The following LHFPL6 variants were observed in gnomAD, a reference collection of about 807,000 sequenced individuals.
LHFPL6 encodes the protein LHFPL tetraspan subfamily member 6 protein.
A neutral mutation model predicts 20.6 loss-of-function variants in LHFPL6; 9 were observed. That is an observed-to-expected ratio of 0.44 (90% confidence interval 0.26 to 0.76). The LOEUF (loss-of-function observed/expected upper bound fraction) is 0.76, where lower values mean the gene tolerates loss of function less well. Ranked by LOEUF, LHFPL6 falls within the 30% of genes least tolerant of loss-of-function variation. The pLI is 0.20. For synonymous variants in LHFPL6, 105 were observed against 98.7 expected (o/e 1.06, Z -0.38); for missense variants, 218 against 253.5 (o/e 0.86, Z 0.95).
chr13:39,551,200 G>A (rs541264004), intron 2 of LHFPL6, among the ~76,000 whole-genome samples: 1 of 152,132 alleles, frequency 6.6e-6, no homozygotes, highest in Non-Finnish European at 1.5e-5. Context: ...TGCCTATTCA[G>A]CTCATGGCTC....
rs1471995881 is a variant in LHFPL6, at chr13:39,600,923, CAGG to C, written c.291_293del (p.Leu98del). The C allele has an allele frequency of 6.3e-6, 10 of 1,596,934 alleles. No individual in the cohort carries two copies. Among genetic ancestry groups the C allele is most frequent in the Non-Finnish European group, 7.7e-6 (9 of 1,169,414 alleles). ...AACCCATGAGGGCAGTGAGCGCCAC[CAGG>C]AGGAGGAGGCCACAACCCAGGCCGG... On this transcript the variant is annotated inframe_deletion, in exon 2 of 4. Transcript: ENST00000379589.
intron 2 of LHFPL6, among the ~76,000 whole-genome samples, chr13:39,576,213 G>C (rs138195280): frequency 6.6e-6 from 1 of 152,252 alleles, no homozygotes; most frequent in East Asian, 1.9e-4. Context: ...AGTTCATACA[G>C]ACTAGGTTTG....
intron 2 of LHFPL6, among the ~76,000 whole-genome samples, chr13:39,443,604 A>T (rs1169601469): frequency 1.3e-5 from 2 of 152,010 alleles, no homozygotes; most frequent in Non-Finnish European, 2.9e-5. Flanking sequence ...GGAGAACCTA[A>T]ATCTTCCTAC....
chr13:39,520,908 A>G (rs1200907039), intron 2 of LHFPL6, among the ~76,000 whole-genome samples: 4 of 152,134 alleles, frequency 2.6e-5, no homozygotes, highest in African/African-American at 7.2e-5. Context: ...AGGTGATTTC[A>G]TTGTGCAACC....
In LHFPL6 at chr13:39,373,547, G is replaced by A. The variant is rs865934115; in HGVS notation, c.484+4881C>T. The stretch of plus-strand genomic sequence containing the variant: ...AAGAAAATTGTAGTATTTATACAGC[G>A]TACTAGGGTAATTGGATGGGGCTGC... On this transcript the variant is annotated intron_variant, in intron 3 of 3. Coordinates refer to ENST00000379589, the MANE Select transcript of LHFPL6 (RefSeq NM_005780.3). 7.9e-5 allele frequency among the ~76,000 whole-genome samples: 12 copies of A among 152,298 alleles called. No homozygotes were observed. The South Asian group carries it at 8.3e-4, about 11-fold the overall frequency.
intron 2 of LHFPL6, among the ~76,000 whole-genome samples, chr13:39,414,829 T>G (rs369095895): frequency 8.3e-4 from 126 of 152,210 alleles, no homozygotes; most frequent in African/African-American, 2.8e-3. Context: ...CCCCTAAGAG[T>G]ATTATACAGG....
intron 2 of LHFPL6, among the ~76,000 whole-genome samples, chr13:39,526,580 T>C (rs1341266282): frequency 6.6e-6 from 1 of 152,240 alleles, no homozygotes; most frequent in Non-Finnish European, 1.5e-5. Context: ...GGTCTAGTGC[T>C]CTGATGTGTT....
intron 2 of LHFPL6, among the ~76,000 whole-genome samples, chr13:39,379,925 C>T (rs1870393437): frequency 6.6e-6 from 1 of 152,206 alleles, no homozygotes; most frequent in African/African-American, 2.4e-5. Context: ...CTCAGGATGT[C>T]CTACATGCAA....
At chr13:39,370,820 A>T (rs989489686) in intron 3 of LHFPL6, among the ~76,000 whole-genome samples, 7 of 152,264 alleles carry the variant, frequency 4.6e-5, no homozygotes, top group Admixed American at 2.0e-4. Context: ...AATGTCACAG[A>T]GACCAATAGC....
intron 2 of LHFPL6, among the ~76,000 whole-genome samples, chr13:39,470,754 A>G (rs1436748254): frequency 6.6e-6 from 1 of 152,228 alleles, no homozygotes; most frequent in African/African-American, 2.4e-5. Flanking sequence ...TAACTTTTAA[A>G]AGAATTTGAG....
At chr13:39,592,963 G>A (rs907720086) in intron 2 of LHFPL6, among the ~76,000 whole-genome samples, 7 of 152,118 alleles carry the variant, frequency 4.6e-5, no homozygotes, top group African/African-American at 1.7e-4. Context: ...GGTATTGATG[G>A]ACGTATCTCA....
intron 3 of LHFPL6, among the ~76,000 whole-genome samples, chr13:39,361,605 C>T (rs1280566941): frequency 1.3e-5 from 2 of 152,150 alleles, no homozygotes; most frequent in Non-Finnish European, 2.9e-5. Context: ...CGTGAGCCAC[C>T]GTGCCTGGCC....
intron 2 of LHFPL6, among the ~76,000 whole-genome samples, chr13:39,402,159 T>C (rs1001342744): frequency 2.6e-5 from 4 of 152,224 alleles, no homozygotes; most frequent in Admixed American, 6.5e-5. Context: ...ATATTTTTGA[T>C]ATACTTATTT....
At chr13:39,562,417 C>CATATACATATATACACATATACAT (rs1871525394) in intron 2 of LHFPL6, among the ~76,000 whole-genome samples, 2 of 57,900 alleles carry the variant, frequency 3.5e-5, no homozygotes, top group Non-Finnish European at 7.8e-5. Context: ...CACATATACA[C>CATATACATATATACACATATACAT]ATATACATAT....
At chr13:39,358,075 G>A (rs989986235) in intron 3 of LHFPL6, among the ~76,000 whole-genome samples, 1 of 151,976 alleles carries the variant, frequency 6.6e-6, no homozygotes, top group Non-Finnish European at 1.5e-5. Flanking sequence ...CCAAAAAAGA[G>A]CCCGAATAAC....
At chr13:39,592,538 G>C (rs886350515) in intron 2 of LHFPL6, among the ~76,000 whole-genome samples, 4 of 152,188 alleles carry the variant, frequency 2.6e-5, no homozygotes, top group Admixed American at 2.0e-4. Context: ...AATTCTACCA[G>C]AGGTACAAGG....
At chr13:39,577,777 G>A (rs1872160315) in intron 2 of LHFPL6, among the ~76,000 whole-genome samples, 1 of 151,936 alleles carries the variant, frequency 6.6e-6, no homozygotes, top group South Asian at 2.1e-4. Flanking sequence ...CTAGCTACAG[G>A]TGCATGCCAC....
chr13:39,359,034 C>T (rs769061788), intron 3 of LHFPL6, among the ~76,000 whole-genome samples: 40 of 150,926 alleles, frequency 2.7e-4, no homozygotes, highest in Non-Finnish European at 4.3e-4. Context: ...GCAGGGCGGG[C>T]GCCTGTAATC....
intron 2 of LHFPL6, among the ~76,000 whole-genome samples, chr13:39,506,674 G>T (rs757929375): frequency 2.0e-5 from 3 of 152,140 alleles, no homozygotes; most frequent in Non-Finnish European, 2.9e-5. Flanking sequence ...AGCAAGTCAG[G>T]GTGGGAAAGG....
Sources: allele counts gnomAD v4.1 joint callset (sites outside exome capture counted in the v4.1 genomes callset), GRCh38; gene constraint gnomAD v4.1.1; transcripts MANE v1.5; gene names NCBI Gene and HGNC (gene_info 2026-07-23, HGNC 2026-07-21).